Variants in PDE4D observed in about 807,000 individuals in gnomAD.
PDE4D encodes 3',5'-cyclic-AMP phosphodiesterase 4D.
In PDE4D, 24 loss-of-function variants were observed where a neutral mutation model predicts 87.4. The observed-to-expected ratio is 0.27, with a 90% CI of 0.20 to 0.39. The LOEUF (loss-of-function observed/expected upper bound fraction) is 0.39, where lower values mean the gene tolerates loss of function less well. Among genes scored for constraint, PDE4D ranks in the 10% least tolerant of loss-of-function variants. The pLI is 1.00. For synonymous variants in PDE4D, 384 were observed against 383.2 expected (o/e 1.00, Z -0.02); for missense variants, 714 against 1,041.0 (o/e 0.69, Z 4.32).
chr5:60,402,280 G>A (rs756884123), intron 1 of PDE4D, among the ~76,000 whole-genome samples: 3 of 152,072 alleles, frequency 2.0e-5, no homozygotes, highest in South Asian at 2.1e-4. Flanking sequence ...GAAGACATGC[G>A]AATTTTGGCA....
At chr5:59,363,608 T>C (rs1782575474) in intron 1 of PDE4D, among the ~76,000 whole-genome samples, 1 of 152,178 alleles carries the variant, frequency 6.6e-6, no homozygotes, top group Non-Finnish European at 1.5e-5. Context: ...ATCTTCCAAC[T>C]CACGAGCAGA....
At chr5:59,110,374 C>T (rs554215665) in intron 5 of PDE4D, among the ~76,000 whole-genome samples, 1 of 152,220 alleles carries the variant, frequency 6.6e-6, no homozygotes, top group East Asian at 1.9e-4. Flanking sequence ...TTTCCCTAGG[C>T]GATACCCCTA....
intron 2 of PDE4D, among the ~76,000 whole-genome samples, chr5:59,201,725 T>C (rs1318488867): frequency 6.6e-6 from 1 of 152,178 alleles, no homozygotes; most frequent in South Asian, 2.1e-4. Flanking sequence ...GTTCCTAATA[T>C]AATAAAGCCA....
At chr5:59,430,103 C>T (rs1582564508) in intron 1 of PDE4D, among the ~76,000 whole-genome samples, 1 of 152,284 alleles carries the variant, frequency 6.6e-6, no homozygotes, top group South Asian at 2.1e-4. Context: ...ACCAGATCAG[C>T]TTTTGCTAAA....
chr5:58,978,232 T>C (rs1226622997), intron 11 of PDE4D, among the ~76,000 whole-genome samples: 2 of 108,388 alleles, frequency 1.8e-5, no homozygotes, highest in African/African-American at 6.6e-5. Flanking sequence ...CTGGTCAACA[T>C]AGGGAGACCT....
intron 1 of PDE4D, among the ~76,000 whole-genome samples, chr5:60,400,521 C>CAAAAA (rs56750243): frequency 8.0e-5 from 5 of 62,272 alleles, no homozygotes; most frequent in South Asian, 4.2e-4. Flanking sequence ...GACTCCATCT[C>CAAAAA]AAAAAAAAAA....
chr5:59,696,703 G>A (rs2150430237), intron 1 of PDE4D, among the ~76,000 whole-genome samples: 1 of 152,248 alleles, frequency 6.6e-6, no homozygotes, highest in South Asian at 2.1e-4. Flanking sequence ...GAAGCTCTTG[G>A]TTTTTATAAG....
rs988190576 is a variant in PDE4D at position 60,160,716 on chromosome 5, T to C, written c.42+24841A>G. ...CTTTGACTATCATGGTTCTATGGAC[T>C]CTTACTTTTAAGAATATACAACAGA... On this transcript the variant is annotated intron_variant, in intron 2 of 16. Coordinates refer to the PDE4D transcript ENST00000502484. 6 of 397,960 alleles carry C rather than the reference T, an allele frequency of 1.5e-5. No homozygotes were observed. The Admixed American group carries it at 1.9e-4, about 13-fold the overall frequency. The allele number at this position is 397,960 out of a possible 1,614,324, so 24.7% of individuals were successfully genotyped here. A position where few individuals can be genotyped will look rare whatever the true frequency, so the allele number is the denominator to read the frequency against.
intron 1 of PDE4D, among the ~76,000 whole-genome samples, chr5:60,205,061 T>C (rs961020248): frequency 6.6e-6 from 1 of 152,208 alleles, no homozygotes; most frequent in Admixed American, 6.5e-5. Context: ...CTGGTCCTTA[T>C]CATACTCCCC....
intron 2 of PDE4D, among the ~76,000 whole-genome samples, chr5:60,047,032 C>A (rs1417065957): frequency 1.3e-5 from 2 of 152,156 alleles, no homozygotes; most frequent in Admixed American, 6.5e-5. Flanking sequence ...TTAATTATTG[C>A]CTCAATTTCA....
chr5:60,169,430 T>C (rs1783214198), intron 2 of PDE4D, among the ~76,000 whole-genome samples: 1 of 152,062 alleles, frequency 6.6e-6, no homozygotes, highest in African/African-American at 2.4e-5. Context: ...TTTGCTCAGA[T>C]TTTTTTCAAC....
intron 1 of PDE4D, among the ~76,000 whole-genome samples, chr5:60,258,319 A>G (rs1022973189): frequency 6.6e-6 from 1 of 152,026 alleles, no homozygotes; most frequent in African/African-American, 2.4e-5. Context: ...AAAGACATAA[A>G]TGGACCATTC....
chr5:59,428,308 C>G (rs1465670360), intron 1 of PDE4D, among the ~76,000 whole-genome samples: 2 of 152,026 alleles, frequency 1.3e-5, no homozygotes, highest in African/African-American at 4.8e-5. Flanking sequence ...TCGTGAAAAG[C>G]CAATTTTTTT....
intron 1 of PDE4D, among the ~76,000 whole-genome samples, chr5:60,210,000 A>G (rs1743003280): frequency 6.6e-6 from 1 of 152,170 alleles, no homozygotes; most frequent in African/African-American, 2.4e-5. Context: ...AAGAAAGGAA[A>G]ATACACAGCA....
intron 1 of PDE4D, among the ~76,000 whole-genome samples, chr5:59,269,723 G>A (rs1286081719): frequency 2.0e-5 from 3 of 151,740 alleles, no homozygotes; most frequent in Non-Finnish European, 4.4e-5. Flanking sequence ...TGTTTTATGT[G>A]TGCTTATACT....
intron 1 of PDE4D, among the ~76,000 whole-genome samples, chr5:59,535,767 T>C (rs1313232776): frequency 6.6e-6 from 1 of 152,214 alleles, no homozygotes; most frequent in Non-Finnish European, 1.5e-5. Context: ...AATATAGTTT[T>C]TAAAAGGCAT....
At chr5:59,408,708 T>C (rs891738541) in intron 1 of PDE4D, among the ~76,000 whole-genome samples, 1 of 152,212 alleles carries the variant, frequency 6.6e-6, no homozygotes, top group African/African-American at 2.4e-5. Context: ...CCTTGGAGTC[T>C]ACCCTTACAT....
At chr5:59,380,160 ACATT>A (rs1387168752) in intron 1 of PDE4D, among the ~76,000 whole-genome samples, 1 of 152,218 alleles carries the variant, frequency 6.6e-6, no homozygotes, top group African/African-American at 2.4e-5. Flanking sequence ...CTGTCAATAT[ACATT>A]ATTATATGCA....
chr5:59,028,626 A>T, intron 6 of PDE4D, among the ~76,000 whole-genome samples: 1 of 152,044 alleles, frequency 6.6e-6, no homozygotes, highest in East Asian at 1.9e-4. Flanking sequence ...CAATTCAGGC[A>T]GGCTGTCTAT....
Sources: allele counts gnomAD v4.1 joint callset (sites outside exome capture counted in the v4.1 genomes callset), GRCh38; gene constraint gnomAD v4.1.1; transcripts MANE v1.5; gene names NCBI Gene and HGNC (gene_info 2026-07-23, HGNC 2026-07-21).